Variants in PCDHGB1 observed in about 807,000 individuals in gnomAD.
PCDHGB1 encodes protocadherin gamma subfamily B, 1.
Under a neutral mutation model 56.6 loss-of-function variants are expected in PCDHGB1, and 34 were observed. The observed-to-expected ratio is 0.60, with a 90% CI of 0.46 to 0.80. PCDHGB1 has a LOEUF of 0.80. Ranked by LOEUF, PCDHGB1 falls within the 30% of genes least tolerant of loss-of-function variation. The pLI is 0.00. For missense variants in PCDHGB1, 1,278 were observed against 1,204.6 expected (o/e 1.06, Z -0.90); for synonymous variants, 561 against 505.9 (o/e 1.11, Z -1.46).
In PCDHGB1 at chr5:141,490,540, C is replaced by T; in HGVS notation, c.2410-4267C>T. The T allele has an allele frequency of 6.2e-7, 1 of 1,614,148 alleles. No homozygotes were observed. Among genetic ancestry groups the T allele is most frequent in the Non-Finnish European group, 8.5e-7 (1 of 1,180,024 alleles). ...GGCCAGCGATGCTGGTTCACCTTCC[C>T]TACACAAACATCTCACCATCAGGCT... On this transcript the variant is annotated intron_variant, in intron 1 of 3. Coordinates refer to ENST00000523390, the MANE Select transcript of PCDHGB1 (RefSeq NM_018922.3). This position sits in a 1 kb window ranked among gnomAD's most constrained non-coding sequence, Gnocchi z 5.4.
chr5:141,398,980 G>A (rs772840804), intron 1 of PCDHGB1: 3 of 1,613,860 alleles, frequency 1.9e-6, no homozygotes, highest in South Asian at 2.2e-5. Flanking sequence ...CTACAGAACC[G>A]GGCAAATCTT....
At chr5:141,383,700 C>T (rs753632881) in intron 1 of PCDHGB1, 1 of 1,613,936 alleles carries the variant, frequency 6.2e-7, no homozygotes, top group East Asian at 2.2e-5. Flanking sequence ...TACATGCTAT[C>T]GACCTGGACG....
chr5:141,428,587 G>C (rs914718913), intron 1 of PCDHGB1: 6 of 226,650 alleles, frequency 2.6e-5, no homozygotes, highest in Non-Finnish European at 5.3e-5. Flanking sequence ...AGTTTCTCTG[G>C]TAGCAAGCTT....
intron 1 of PCDHGB1, chr5:141,412,426 A>G (rs1051574976): frequency 2.6e-5 from 4 of 152,234 alleles, no homozygotes; most frequent in African/African-American, 9.6e-5. Context: ...GTTTTACACA[A>G]AAAGGTTAAT....
intron 1 of PCDHGB1, chr5:141,421,703 G>A: frequency 1.2e-6 from 2 of 1,613,946 alleles, no homozygotes; most frequent in Middle Eastern, 1.6e-4. Context: ...CCTAATGCTA[G>A]GGATCCAGAT....
At chr5:141,416,652 A>T (rs1028914487) in intron 1 of PCDHGB1, 1 of 152,240 alleles carries the variant, frequency 6.6e-6, no homozygotes, top group Non-Finnish European at 1.5e-5. Context: ...ACAGCTGTAA[A>T]AAAGAAAAGA....
chr5:141,391,570 A>G (rs931571256), intron 1 of PCDHGB1: 4 of 152,236 alleles, frequency 2.6e-5, no homozygotes, highest in African/African-American at 7.2e-5. Context: ...TGCATAAGAA[A>G]ATATATTCAC....
intron 1 of PCDHGB1, chr5:141,370,275 C>T (rs1483260334): frequency 2.4e-6 from 2 of 830,416 alleles, no homozygotes; most frequent in African/African-American, 1.7e-5. Flanking sequence ...AGCGGAGACA[C>T]CCATTAGAGA....
intron 1 of PCDHGB1, chr5:141,399,935 A>G (rs2093920920): frequency 1.9e-6 from 3 of 1,612,300 alleles, no homozygotes; most frequent in Non-Finnish European, 2.5e-6. Context: ...CTGTCCTACC[A>G]CGTGCTGCAG....
At chr5:141,433,849 A>AC (rs1304649814) in intron 1 of PCDHGB1, among the ~76,000 whole-genome samples, 10 of 152,030 alleles carry the variant, frequency 6.6e-5, no homozygotes, top group Admixed American at 1.3e-4. Flanking sequence ...AAAAAAAAAA[A>AC]AAAAAACTTT....
At chr5:141,413,664 T>G in intron 1 of PCDHGB1, 1 of 1,613,858 alleles carries the variant, frequency 6.2e-7, no homozygotes, top group Non-Finnish European at 8.5e-7. Flanking sequence ...AAGCTATTGA[T>G]CCGGATGTGG....
chr5:141,372,754 G>A (rs201408759), intron 1 of PCDHGB1: 907 of 1,612,900 alleles, frequency 5.6e-4, no homozygotes, highest in Non-Finnish European at 7.2e-4. Flanking sequence ...GAAGCCTCTT[G>A]GTTTGAAAGT....
chr5:141,405,533 C>T (rs2094681755), intron 1 of PCDHGB1: 2 of 648,174 alleles, frequency 3.1e-6, no homozygotes. Context: ...GATTCTCCTG[C>T]CTCAGCCTCC....
chr5:141,466,809 CA>C (rs1454424644), intron 1 of PCDHGB1, among the ~76,000 whole-genome samples: 1 of 152,102 alleles, frequency 6.6e-6, no homozygotes, highest in Non-Finnish European at 1.5e-5. Flanking sequence ...CCTATTCAGA[CA>C]TGGTATAACA....
chr5:141,400,501 G>A lies in PCDHGB1; in HGVS notation c.2409+47832G>A, dbSNP rs574905149. 3.4e-5 allele frequency: 55 copies of A among 1,613,996 alleles called. 1 individual carries two copies. The East Asian group carries it at 1.1e-3, about 33-fold the overall frequency. On this transcript the variant is annotated intron_variant, in intron 1 of 3. Coordinates refer to ENST00000523390, the MANE Select transcript of PCDHGB1 (RefSeq NM_018922.3). ...CTTATTTCCACTTTGTAATTCCAGC[G>A]AGTCGACTTCCCATCCTGAGTTGGT... is the stretch of plus-strand genomic sequence containing the variant.
At position 141,449,665 on chromosome 5, in the gene PCDHGB1, G is replaced by T. The variant is rs144213743; in HGVS notation, c.2410-45142G>T. 9.3e-5 allele frequency among the ~76,000 whole-genome samples: 14 copies of T among 150,156 alleles called. No individual in the cohort carries two copies. In the East Asian group the frequency reaches 2.7e-3, roughly 29 times the overall value. Reference sequence around the variant, plus strand: ...TATACATATTTACATACACACCCAAGTGTGTATGTATATATGTTTGTGTGT... The same window carrying T: ...TATACATATTTACATACACACCCAATTGTGTATGTATATATGTTTGTGTGT... On this transcript the variant is annotated intron_variant, in intron 1 of 3. Coordinates refer to ENST00000523390, the MANE Select transcript of PCDHGB1 (RefSeq NM_018922.3).
intron 1 of PCDHGB1, chr5:141,398,053 A>C: frequency 2.0e-6 from 3 of 1,516,468 alleles, no homozygotes; most frequent in Non-Finnish European, 2.7e-6. Flanking sequence ...TCGGAGATCC[A>C]AAAATCTACA....
intron 1 of PCDHGB1, chr5:141,399,475 C>G: frequency 1.2e-6 from 2 of 1,614,022 alleles, no homozygotes; most frequent in Non-Finnish European, 1.7e-6. Context: ...GGTTTTCCAC[C>G]AGGCGTCCTA....
intron 1 of PCDHGB1, chr5:141,364,208 T>G: frequency 8.4e-7 from 1 of 1,193,066 alleles, no homozygotes; most frequent in Non-Finnish European, 1.1e-6. Context: ...CCAGACAAGC[T>G]CCTACGAAAA....
Sources: allele counts gnomAD v4.1 joint callset (sites outside exome capture counted in the v4.1 genomes callset), GRCh38; gene constraint gnomAD v4.1.1; non-coding constraint Gnocchi (gnomAD v3.1); transcripts MANE v1.5; gene names NCBI Gene and HGNC (gene_info 2026-07-23, HGNC 2026-07-21).